ALDH1L1: variants seen among roughly 807,000 people sequenced by gnomAD.
ALDH1L1 encodes cytosolic 10-formyltetrahydrofolate dehydrogenase.
A neutral mutation model predicts 101.1 loss-of-function variants in ALDH1L1; 68 were observed. The ratio of observed to expected loss-of-function variants is 0.67; its 90% CI spans 0.55 to 0.82. ALDH1L1 has a LOEUF of 0.82. ALDH1L1 is among the 40% of genes least tolerant of loss of function. ALDH1L1 has a pLI of 0.00. For missense variants in ALDH1L1, 1,087 were observed against 1,172.7 expected (o/e 0.93, Z 1.07); for synonymous variants, 486 against 470.8 (o/e 1.03, Z -0.42).
chr3:126,191,951 G>A (rs1370320178), intron 1 of ALDH1L1, among the ~76,000 whole-genome samples: 1 of 152,162 alleles, frequency 6.6e-6, no homozygotes, highest in East Asian at 1.9e-4. Flanking sequence ...GGAAAAATAA[G>A]GAGGCGCTTC....
intron 21 of ALDH1L1, 99 bp from the exon 22 acceptor site, chr3:126,106,024 C>A: frequency 8.1e-7 from 1 of 1,239,222 alleles, no homozygotes; most frequent in Admixed American, 2.3e-5. Context: ...CTGCATAAGA[C>A]CTTCCGAGGA....
At chr3:126,114,427 G>T in intron 18 of ALDH1L1, 130 bp downstream of exon 18, 1 of 651,278 alleles carries the variant, frequency 1.5e-6, no homozygotes, top group Non-Finnish European at 2.3e-6. Context: ...CGCTATGCTT[G>T]TGATGACGCT....
At chr3:126,193,925 C>T (rs2081567258) in intron 1 of ALDH1L1, among the ~76,000 whole-genome samples, 1 of 151,934 alleles carries the variant, frequency 6.6e-6, no homozygotes, top group African/African-American at 2.4e-5. Flanking sequence ...GAATTCTTAC[C>T]CAATTCAAAT....
Position 126,130,240 on chromosome 3 carries a change from G to C in ALDH1L1, c.1677C>G (p.Thr559=), listed in dbSNP as rs777835235. The C allele has an allele frequency of 1.9e-6, 3 of 1,609,898 alleles. No homozygotes were observed. The highest frequency in any genetic ancestry group is 2.5e-6 in the Non-Finnish European group (3 of 1,178,004). ...GAACTCACCCAACAGGCTCCTTCCTGGTCAAGGTCAGGTTGCGGTTGGGTC... is the reference window on the plus strand; with the variant it reads ...GAACTCACCCAACAGGCTCCTTCCTCGTCAAGGTCAGGTTGCGGTTGGGTC... ...QARPNRNLTL[T]RKEPVGVCGI... Residue 559 remains threonine, a synonymous_variant, in exon 14 of 23, where the codon ACC becomes ACG. Transcript: ENST00000393434.
At chr3:126,154,408 TG>T in intron 6 of ALDH1L1, 145 bp downstream of exon 6, 1 of 780,812 alleles carries the variant, frequency 1.3e-6, no homozygotes, top group East Asian at 2.6e-5. Flanking sequence ...GGGGAAAGGC[TG>T]GGATGTTTAG....
intron 4 of ALDH1L1, chr3:126,155,789 G>A (rs1192467305): frequency 7.5e-6 from 2 of 268,062 alleles, no homozygotes; most frequent in Non-Finnish European, 7.0e-6. Context: ...AAGCCCTGCA[G>A]GTATAACACA....
chr3:126,138,017 G>T (rs560053740), intron 9 of ALDH1L1, 57 bp from the exon 10 acceptor site: 1 of 1,600,200 alleles, frequency 6.2e-7, no homozygotes, highest in South Asian at 1.1e-5. Flanking sequence ...GGCCTGCATC[G>T]CTAGCAGCAG....
chr3:126,185,585 G>A (rs2081511008), upstream of ALDH1L1, among the ~76,000 whole-genome samples: 1 of 152,152 alleles, frequency 6.6e-6, no homozygotes. Flanking sequence ...ATGCATTGGT[G>A]CATGGAGGTG....
At chr3:126,155,561 C>G in intron 4 of ALDH1L1, 58 bp from the exon 5 acceptor site, 5 of 1,484,562 alleles carry the variant, frequency 3.4e-6, no homozygotes, top group Non-Finnish European at 4.6e-6. Context: ...CCTTCCCAGC[C>G]CCAGGGCCCA....
intron 17 of ALDH1L1, 34 bp downstream of exon 17, chr3:126,117,971 C>T: frequency 1.3e-6 from 2 of 1,581,322 alleles, no homozygotes; most frequent in East Asian, 2.2e-5. Context: ...CAGCCCACAG[C>T]AGCCCCTCCT....
chr3:126,119,168 C>T lies in ALDH1L1; in HGVS notation c.1889-1070G>A, dbSNP rs181014346. On this transcript the variant is annotated intron_variant, in intron 16 of 22. Transcript: ENST00000393434. ...CCTCTTCTCTCCTCAGCTTACATTG[C>T]GTGCTCAGCTGATCTCACAGGCTTC... is the stretch of plus-strand genomic sequence containing the variant. Among the ~76,000 whole-genome samples the T allele has an allele frequency of 1.3e-3, 201 of 152,268 alleles. 2 individuals are homozygous for T. The highest frequency in any genetic ancestry group is 2.1e-3 in the Non-Finnish European group (144 of 68,026).
intron 1 of ALDH1L1, among the ~76,000 whole-genome samples, chr3:126,186,865 A>G (rs1387449276): frequency 6.6e-6 from 1 of 152,162 alleles, no homozygotes; most frequent in East Asian, 1.9e-4. Context: ...AGTAGCTGCA[A>G]AAGTGCTGGA....
At chr3:126,109,343 G>A (rs565703238) in intron 20 of ALDH1L1, among the ~76,000 whole-genome samples, 1 of 152,300 alleles carries the variant, frequency 6.6e-6, no homozygotes, top group Admixed American at 6.5e-5. Flanking sequence ...AGGTGTGTGT[G>A]TCTGGGCTCA....
chr3:126,112,448 T>C (rs1198372525), intron 19 of ALDH1L1, among the ~76,000 whole-genome samples: 2 of 152,208 alleles, frequency 1.3e-5, no homozygotes, highest in Non-Finnish European at 2.9e-5. Context: ...CCTGGTCTCT[T>C]CTCTTTCCAG....
chr3:126,195,381 G>C (rs2081576353), intron 1 of ALDH1L1, among the ~76,000 whole-genome samples: 1 of 151,934 alleles, frequency 6.6e-6, no homozygotes, highest in South Asian at 2.1e-4. Context: ...CAATTAATTA[G>C]AGCTCTCTTA....
intron 9 of ALDH1L1, among the ~76,000 whole-genome samples, chr3:126,146,111 C>T (rs2108270016): frequency 6.6e-6 from 1 of 152,322 alleles, no homozygotes; most frequent in East Asian, 1.9e-4. Flanking sequence ...TGGTCAATTG[C>T]AAAACTGGTC....
chr3:126,113,319 G>A (rs567370373), intron 18 of ALDH1L1, among the ~76,000 whole-genome samples: 10 of 152,286 alleles, frequency 6.6e-5, no homozygotes, highest in South Asian at 2.1e-4. Context: ...TGGAGCAGGC[G>A]GTGGGTGACA....
At chr3:126,182,949 A>T (rs2081489251), upstream of ALDH1L1, among the ~76,000 whole-genome samples, 1 of 152,130 alleles carries the variant, frequency 6.6e-6, no homozygotes, top group Admixed American at 6.5e-5. Context: ...CAAAGGAAGG[A>T]TTGTTAAATA....
chr3:126,114,962 G>A lies in ALDH1L1; in HGVS notation c.1983-306C>T, dbSNP rs117349306. 1,395 of 486,034 alleles carry A rather than the reference G, an allele frequency of 2.9e-3. 10 individuals are homozygous for A. The highest frequency in any genetic ancestry group is 0.017 in the East Asian group (295 of 16,974). 30.1% of individuals were successfully genotyped at this position (486,034 alleles called of 1,614,324 possible). A position where few individuals can be genotyped will look rare whatever the true frequency, so the allele number is the denominator to read the frequency against. Reference sequence around the variant, plus strand: ...TCTGGGGTGCCTCCCTGATCGCCCCGTATAAAACCACAGCCTGCCTGTGCA... The same window carrying A: ...TCTGGGGTGCCTCCCTGATCGCCCCATATAAAACCACAGCCTGCCTGTGCA... On this transcript the variant is annotated intron_variant, in intron 17 of 22. Transcript: ENST00000393434.
Sources: allele counts gnomAD v4.1 joint callset (sites outside exome capture counted in the v4.1 genomes callset), GRCh38; gene constraint gnomAD v4.1.1; transcripts MANE v1.5; gene names NCBI Gene and HGNC (gene_info 2026-07-23, HGNC 2026-07-21).